FHIT: variants seen among roughly 807,000 people sequenced by gnomAD.
FHIT encodes the protein bis(5'-adenosyl)-triphosphatase.
In FHIT, 19 loss-of-function variants were observed where a neutral mutation model predicts 17.9. The ratio of observed to expected loss-of-function variants is 1.06; its 90% CI spans 0.74 to 1.56. The LOEUF (loss-of-function observed/expected upper bound fraction) is 1.56, where lower values mean the gene tolerates loss of function less well. Ranked by LOEUF, FHIT falls within the 40% of genes most tolerant of loss-of-function variation. The pLI is 0.00. For synonymous variants in FHIT, 81 were observed against 69.7 expected, an observed-to-expected ratio of 1.16 and a Z score of -0.81; for missense variants, 248 against 189.2, an observed-to-expected ratio of 1.31 and a Z score of -1.82.
intron 4 of FHIT, among the ~76,000 whole-genome samples, chr3:60,715,217 A>T (rs1553706412): frequency 4.6e-5 from 7 of 152,136 alleles, no homozygotes; most frequent in Non-Finnish European, 1.0e-4. Context: ...GGTGCTGGGA[A>T]AACTGGCTAG....
intron 4 of FHIT, among the ~76,000 whole-genome samples, chr3:60,639,450 T>C (rs2039671628): frequency 1.3e-5 from 2 of 151,854 alleles, no homozygotes; most frequent in Middle Eastern, 3.4e-3. Flanking sequence ...TCTAAAAGGG[T>C]TGGGGAGACA....
chr3:59,911,934 ATGAG>A (rs951131091), intron 8 of FHIT, among the ~76,000 whole-genome samples: 2 of 152,200 alleles, frequency 1.3e-5, no homozygotes, highest in Non-Finnish European at 2.9e-5. Context: ...GACGATGAAG[ATGAG>A]TAAGATGCCT....
At chr3:60,756,593 G>A (rs1476880607) in intron 4 of FHIT, among the ~76,000 whole-genome samples, 8 of 152,326 alleles carry the variant, frequency 5.3e-5, no homozygotes, top group African/African-American at 1.7e-4. Flanking sequence ...CGGTATTGAT[G>A]AAGAAGCAGC....
chr3:61,012,360 T>C (rs1354751798), intron 3 of FHIT, among the ~76,000 whole-genome samples: 1 of 152,098 alleles, frequency 6.6e-6, no homozygotes, highest in Non-Finnish European at 1.5e-5. Flanking sequence ...TCAATAAAAT[T>C]GAAGTAGAAC....
intron 5 of FHIT, among the ~76,000 whole-genome samples, chr3:60,331,848 G>GGA (rs574148170): frequency 7.1e-6 from 1 of 141,036 alleles, no homozygotes; most frequent in African/African-American, 2.6e-5. Flanking sequence ...CTCTGTCTCG[G>GGA]AAAAAAAAAA....
chr3:59,971,487 GT>G (rs1248230404), intron 7 of FHIT, among the ~76,000 whole-genome samples: 6 of 131,944 alleles, frequency 4.5e-5, no homozygotes, highest in Non-Finnish European at 1.1e-4. Flanking sequence ...GGTTTCATGG[GT>G]TCATAAACTC....
intron 5 of FHIT, among the ~76,000 whole-genome samples, chr3:60,408,811 G>A (rs1363907891): frequency 6.6e-6 from 1 of 152,106 alleles, no homozygotes; most frequent in Non-Finnish European, 1.5e-5. Flanking sequence ...TCAAAGGAAA[G>A]ATCAATTACC....
chr3:60,198,865 G>C (rs145623567), intron 5 of FHIT, among the ~76,000 whole-genome samples: 28 of 152,264 alleles, frequency 1.8e-4, no homozygotes, highest in African/African-American at 6.3e-4. Flanking sequence ...CACAAGGAAT[G>C]AAGGCTTATT....
chr3:60,186,646 T>C (rs1702171374), intron 5 of FHIT, among the ~76,000 whole-genome samples: 1 of 152,116 alleles, frequency 6.6e-6, no homozygotes, highest in South Asian at 2.1e-4. Flanking sequence ...TAATCACTGA[T>C]TAATCCTCTG....
chr3:60,925,394 G>A (rs546510438), intron 3 of FHIT, among the ~76,000 whole-genome samples: 19 of 152,280 alleles, frequency 1.2e-4, no homozygotes, highest in Admixed American at 9.1e-4. Context: ...GAAGAGAGTG[G>A]AGGCCAATAT....
At chr3:61,118,408 T>TGTAA (rs60829979) in intron 2 of FHIT, among the ~76,000 whole-genome samples, 114,404 of 151,660 alleles carry the variant, frequency 0.75, 44,021 homozygotes, top group African/African-American at 0.8. Flanking sequence ...TTTTTGGAGC[T>TGTAA]GTAACGAAAG....
At chr3:61,036,922 G>T (rs199815728) in intron 3 of FHIT, among the ~76,000 whole-genome samples, 9,762 of 91,236 alleles carry the variant, frequency 0.11, 386 homozygotes, top group South Asian at 0.13. Context: ...TTGTTTGTTT[G>T]TTTTTTTGAG....
chr3:60,519,318 G>C (rs1007134243), intron 5 of FHIT, among the ~76,000 whole-genome samples: 1 of 152,142 alleles, frequency 6.6e-6, no homozygotes, highest in Admixed American at 6.5e-5. Context: ...CGTTTATTTA[G>C]TCAAGCAATT....
intron 3 of FHIT, among the ~76,000 whole-genome samples, chr3:61,006,407 A>C (rs1442544322): frequency 6.6e-6 from 1 of 152,220 alleles, no homozygotes; most frequent in Non-Finnish European, 1.5e-5. Context: ...ACAAATGCTA[A>C]AAAGCAAAAT....
chr3:60,510,344 T>G (rs1447974), intron 5 of FHIT, among the ~76,000 whole-genome samples: 79,714 of 152,088 alleles, frequency 0.52, 21,080 homozygotes, highest in Middle Eastern at 0.58. Flanking sequence ...CAATTATTGT[T>G]AAGTTTCTAT....
chr3:60,939,877 G>T, intron 3 of FHIT, among the ~76,000 whole-genome samples: 1 of 152,064 alleles, frequency 6.6e-6, no homozygotes, highest in East Asian at 1.9e-4. Context: ...CTGGGTCTTT[G>T]ATTTGAAACA....
intron 3 of FHIT, among the ~76,000 whole-genome samples, chr3:61,036,441 T>C (rs1226341696): frequency 6.6e-6 from 1 of 152,140 alleles, no homozygotes; most frequent in Admixed American, 6.5e-5. Flanking sequence ...GATTGTAGTA[T>C]AGAAACTATC....
At chr3:59,995,840 A>G (rs559029537) in intron 7 of FHIT, among the ~76,000 whole-genome samples, 1 of 151,258 alleles carries the variant, frequency 6.6e-6, no homozygotes, top group South Asian at 2.1e-4. Flanking sequence ...AATCTGCTCA[A>G]CATTAGTAAG....
At chr3:60,722,285 T>C (rs1387483363) in intron 4 of FHIT, among the ~76,000 whole-genome samples, 3 of 152,226 alleles carry the variant, frequency 2.0e-5, no homozygotes, top group Non-Finnish European at 4.4e-5. Context: ...CCTTTACTAG[T>C]AGCCCATTTA....
Sources: gnomAD v4.1 joint callset for allele counts (sites outside exome capture counted in the v4.1 genomes callset) on GRCh38, gnomAD v4.1.1 for gene constraint, MANE v1.5 for transcripts, NCBI Gene and HGNC (gene_info 2026-07-23, HGNC 2026-07-21) for gene names.